Variants in UCHL1 observed in about 807,000 individuals in gnomAD.
UCHL1 encodes the protein ubiquitin carboxyl-terminal hydrolase isozyme L1.
UCHL1 carries 5 observed loss-of-function variants against 33.3 expected under a neutral mutation model. The ratio of observed to expected loss-of-function variants is 0.15; its 90% CI spans 0.08 to 0.32. The LOEUF is 0.32. Among genes scored for constraint, UCHL1 ranks in the 10% least tolerant of loss-of-function variants. The probability of loss-of-function intolerance (pLI) is 1.00; values close to 1 mark genes in which losing one functional copy is unlikely to be tolerated. For synonymous variants in UCHL1, 132 were observed against 108.8 expected, an observed-to-expected ratio of 1.21 and a Z score of -1.33; for missense variants, 236 against 280.0, an observed-to-expected ratio of 0.84 and a Z score of 1.12.
Position 41,257,594 on chromosome 4 carries a change from G to T in UCHL1, c.46-15G>T, listed in dbSNP as rs894583471. 7.3e-6 allele frequency: 11 copies of T among 1,512,004 alleles called. No individual in the cohort carries two copies. In the Admixed American group the frequency reaches 1.9e-4, roughly 26 times the overall value. 93.7% of individuals were successfully genotyped at this position (1,512,004 alleles called of 1,614,324 possible). On this transcript the variant is annotated splice_polypyrimidine_tract_variant and intron_variant, in intron 2 of 8. Coordinates refer to ENST00000284440, the MANE Select transcript of UCHL1 (RefSeq NM_004181.5). ...GTGTCCCCGTGCGCCTGGCCGCCTT[G>T]TCTCCTCTCCGCAGGTGCTGTCCCG...
intron 8 of UCHL1, among the ~76,000 whole-genome samples, chr4:41,266,247 T>TTTTA (rs1781152382): frequency 2.8e-5 from 4 of 143,604 alleles, no homozygotes. Context: ...TTTTTTTTTT[T>TTTTA]AACTTTTCTA....
Position 41,263,276 on chromosome 4 carries a change from C to T in UCHL1, c.511C>T (p.His171Tyr), listed in dbSNP as rs949932642. 1.9e-6 allele frequency: 3 copies of T among 1,613,872 alleles called. No homozygotes were observed. The highest frequency in any genetic ancestry group is 2.5e-6 in the Non-Finnish European group (3 of 1,179,958). Residue 171 changes from histidine (H) to tyrosine (Y), a missense_variant, in exon 7 of 9, where the codon CAC becomes TAC. Coordinates refer to ENST00000284440, the MANE Select transcript of UCHL1 (RefSeq NM_004181.5). ...HFILFNNVDG[H>Y]LYELDGRMPF... ...TATTCTGTTTAACAACGTGGATGGC[C>T]ACCTCTATGAACTTGGTATGTTTTA...
intron 2 of UCHL1, chr4:41,257,346 C>A: frequency 1.1e-6 from 1 of 938,548 alleles, no homozygotes; most frequent in Non-Finnish European, 1.5e-6. Context: ...CGCCCCGTGG[C>A]GAGCGAGCGC....
At chr4:41,263,989 C>T (rs1222825504) in intron 7 of UCHL1, 114 bp from the exon 8 acceptor site, 4 of 1,360,150 alleles carry the variant, frequency 2.9e-6, no homozygotes, top group Non-Finnish European at 3.2e-6. Context: ...AGGCTTCCTT[C>T]TGTGGGTTTG....
chr4:41,261,111 C>T (rs983789943), intron 4 of UCHL1, among the ~76,000 whole-genome samples: 2 of 152,096 alleles, frequency 1.3e-5, no homozygotes, highest in African/African-American at 4.8e-5. Context: ...GTGGATAAGC[C>T]TATGTCAGTG....
intron 4 of UCHL1, among the ~76,000 whole-genome samples, chr4:41,261,094 G>A (rs1256185532): frequency 1.3e-5 from 2 of 152,174 alleles, no homozygotes; most frequent in African/African-American, 4.8e-5. Context: ...TTTTGTTAAT[G>A]CTCAGTGTGG....
intron 7 of UCHL1, 117 bp from the exon 8 acceptor site, chr4:41,263,986 C>T (rs1781114351): frequency 1.5e-6 from 2 of 1,340,934 alleles, no homozygotes; most frequent in Non-Finnish European, 2.1e-6. Context: ...ACCAGGCTTC[C>T]TTCTGTGGGT....
At chr4:41,261,831 AT>A (rs1781072721) in intron 5 of UCHL1, 31 bp downstream of exon 5, 1 of 1,614,060 alleles carries the variant, frequency 6.2e-7, no homozygotes, top group Admixed American at 1.7e-5. Flanking sequence ...TGGCCTTTAA[AT>A]AACTCTAGAG....
intron 7 of UCHL1, among the ~76,000 whole-genome samples, chr4:41,263,596 T>C (rs1781108011): frequency 6.6e-6 from 1 of 152,230 alleles, no homozygotes; most frequent in Non-Finnish European, 1.5e-5. Context: ...TAACTTCTAT[T>C]AACTAGTTTA....
chr4:41,259,795 G>A (rs1781041141), intron 3 of UCHL1, among the ~76,000 whole-genome samples: 1 of 152,166 alleles, frequency 6.6e-6, no homozygotes, highest in African/African-American at 2.4e-5. Flanking sequence ...CTCCCTAGTA[G>A]CTGGGATTAT....
chr4:41,263,004 G>C (rs1194312907), intron 6 of UCHL1, among the ~76,000 whole-genome samples: 1 of 152,122 alleles, frequency 6.6e-6, no homozygotes, highest in Non-Finnish European at 1.5e-5. Context: ...TTTCTCCTCA[G>C]TAAAAATCCT....
Position 41,257,549 on chromosome 4 carries a change from G to T in UCHL1, c.46-60G>T. On this transcript the variant is annotated intron_variant, in intron 2 of 8. Transcript: ENST00000284440. ...CGCGCGCCTCCTGGCCCCGCCCCCTGGCAGGTGCCCGCGACCCGCGTGTCC... is the reference window on the plus strand; with the variant it reads ...CGCGCGCCTCCTGGCCCCGCCCCCTTGCAGGTGCCCGCGACCCGCGTGTCC... 6.9e-7 allele frequency: 1 copy of T among 1,440,280 alleles called. No homozygotes were observed. The highest frequency in any genetic ancestry group is 9.1e-7 in the Non-Finnish European group (1 of 1,104,470). 89.2% of individuals were successfully genotyped at this position (1,440,280 alleles called of 1,614,324 possible).
chr4:41,257,352 A>AGCGC lies in UCHL1; in HGVS notation c.45+227_45+230dup, dbSNP rs909797728. The AGCGC allele has an allele frequency of 3.2e-6, 3 of 935,652 alleles. No individual in the cohort carries two copies. In the African/African-American group the frequency reaches 5.2e-5, roughly 16 times the overall value. The allele number at this position is 935,652 out of a possible 1,614,324, so 58.0% of individuals were successfully genotyped here. ...AGGGGGCTGCGCCCCGTGGCGAGCG[A>AGCGC]GCGCCAGGCGGAGCTCCCGAGGGCG... On this transcript the variant is annotated intron_variant, in intron 2 of 8. Transcript: ENST00000284440.
chr4:41,257,888 C>T (rs547953322), intron 3 of UCHL1, 151 bp downstream of exon 3: 10 of 1,244,304 alleles, frequency 8.0e-6, no homozygotes, highest in African/African-American at 1.6e-5. Flanking sequence ...TTCGTGGTAC[C>T]TACTCCCTGG....
intron 8 of UCHL1, 65 bp downstream of exon 8, chr4:41,264,226 A>G: frequency 6.2e-7 from 1 of 1,600,652 alleles, no homozygotes; most frequent in South Asian, 1.1e-5. Context: ...TTTCTATTCT[A>G]AAGTGCTAAC....
chr4:41,263,427 A>C, intron 7 of UCHL1, 136 bp downstream of exon 7: 1 of 895,086 alleles, frequency 1.1e-6, no homozygotes, highest in East Asian at 2.5e-5. Flanking sequence ...AAGTATTCTC[A>C]TGAGGGCACT....
At chr4:41,262,029 A>G in intron 6 of UCHL1, 106 bp downstream of exon 6, 3 of 1,480,928 alleles carry the variant, frequency 2.0e-6, no homozygotes, top group Non-Finnish European at 2.8e-6. Flanking sequence ...TTATCCACCC[A>G]AGGCCAAATG....
At chr4:41,261,133 A>G (rs1030220758) in intron 4 of UCHL1, among the ~76,000 whole-genome samples, 17 of 152,204 alleles carry the variant, frequency 1.1e-4, no homozygotes, top group African/African-American at 3.9e-4. Context: ...TTAGCCAGTC[A>G]GATGTCTCTA....
chr4:41,264,081 A>G lies in UCHL1; in HGVS notation c.527-22A>G, dbSNP rs183069015. Reference sequence around the variant, plus strand: ...CAGAAAACATGCAGAGAAAATTGACATGCCTGGCTTCTTTGTTACAGATGG... The same window carrying G: ...CAGAAAACATGCAGAGAAAATTGACGTGCCTGGCTTCTTTGTTACAGATGG... On this transcript the variant is annotated intron_variant, in intron 7 of 8. Coordinates refer to ENST00000284440, the MANE Select transcript of UCHL1 (RefSeq NM_004181.5). 8 of 1,614,240 alleles carry G rather than the reference A, an allele frequency of 5.0e-6. No individual in the cohort carries two copies. The Admixed American group carries it at 1.2e-4, about 24-fold the overall frequency.
Sources: gnomAD v4.1 joint callset for allele counts (sites outside exome capture counted in the v4.1 genomes callset) on GRCh38, gnomAD v4.1.1 for gene constraint, MANE v1.5 for transcripts, NCBI Gene and HGNC (gene_info 2026-07-23, HGNC 2026-07-21) for gene names.